Variants in ATP8A2 observed in about 807,000 individuals in gnomAD.
The protein encoded by ATP8A2 is ATPase phospholipid transporting 8A2.
In ATP8A2, 100 loss-of-function variants were observed where a neutral mutation model predicts 165.6. The observed-to-expected ratio is 0.60, with a 90% CI of 0.51 to 0.71. ATP8A2 has a LOEUF of 0.71. Among genes scored for constraint, ATP8A2 ranks in the 30% least tolerant of loss-of-function variants. The pLI is 0.00. For synonymous variants in ATP8A2, 543 were observed against 548.8 expected (o/e 0.99, Z 0.15); for missense variants, 1,227 against 1,479.5 (o/e 0.83, Z 2.80).
At chr13:25,588,420 A>G (rs2138284663) in intron 23 of ATP8A2, among the ~76,000 whole-genome samples, 1 of 152,324 alleles carries the variant, frequency 6.6e-6, no homozygotes, top group East Asian at 1.9e-4. Context: ...AGGTCTGAGC[A>G]CATAAATGCA....
At chr13:25,377,479 G>T (rs1375626695) in intron 1 of ATP8A2, among the ~76,000 whole-genome samples, 1 of 152,182 alleles carries the variant, frequency 6.6e-6, no homozygotes, top group Admixed American at 6.5e-5. Context: ...GTGGCTGCCT[G>T]GGTCTGCCTG....
At chr13:25,466,006 C>T (rs2137505540) in intron 1 of ATP8A2, among the ~76,000 whole-genome samples, 1 of 151,980 alleles carries the variant, frequency 6.6e-6, no homozygotes, top group South Asian at 2.1e-4. Flanking sequence ...CATCTTGCTT[C>T]TAGATTGTAG....
intron 9 of ATP8A2, among the ~76,000 whole-genome samples, chr13:25,542,887 TC>T (rs1435361726): frequency 6.6e-6 from 1 of 152,058 alleles, no homozygotes; most frequent in Admixed American, 6.6e-5. Flanking sequence ...TTTTACTCCT[TC>T]CTAATAGTCT....
At chr13:25,976,215 C>T (rs1003473239) in intron 35 of ATP8A2, among the ~76,000 whole-genome samples, 1 of 152,124 alleles carries the variant, frequency 6.6e-6, no homozygotes, top group Non-Finnish European at 1.5e-5. Context: ...AGGGATGTGC[C>T]GCCATGCTGA....
intron 33 of ATP8A2, among the ~76,000 whole-genome samples, chr13:25,905,864 G>C (rs1953922278): frequency 6.6e-6 from 1 of 152,182 alleles, no homozygotes. Flanking sequence ...ATAAATGAGA[G>C]AACTTGCCAG....
intron 24 of ATP8A2, among the ~76,000 whole-genome samples, chr13:25,656,536 G>A (rs2137662161): frequency 6.6e-6 from 1 of 152,092 alleles, no homozygotes; most frequent in South Asian, 2.1e-4. Flanking sequence ...GCCTCCGAAA[G>A]TGCTGGGATT....
intron 35 of ATP8A2, among the ~76,000 whole-genome samples, chr13:25,975,411 A>T (rs9553690): frequency 0.14 from 20,212 of 144,304 alleles, 2,160 homozygotes; most frequent in East Asian, 0.55. Flanking sequence ...TCCCGTCTCT[A>T]CTAAAAATAC....
intron 24 of ATP8A2, among the ~76,000 whole-genome samples, chr13:25,687,071 A>G (rs1353954540): frequency 1.3e-5 from 2 of 152,122 alleles, no homozygotes; most frequent in African/African-American, 4.8e-5. Flanking sequence ...GGCCCTTGTC[A>G]CGGCCCCAAA....
chr13:25,965,047 T>C (rs1358356632), intron 34 of ATP8A2, among the ~76,000 whole-genome samples: 1 of 152,152 alleles, frequency 6.6e-6, no homozygotes, highest in Non-Finnish European at 1.5e-5. Context: ...TAATCCCAGC[T>C]ACTCAGGAGG....
intron 1 of ATP8A2, among the ~76,000 whole-genome samples, chr13:25,434,683 A>G (rs1019436626): frequency 2.0e-5 from 3 of 152,076 alleles, no homozygotes; most frequent in African/African-American, 7.2e-5. Context: ...CTGCCCCATC[A>G]CAGAATTAAA....
At chr13:25,499,445 T>C (rs1011250785) in intron 2 of ATP8A2, among the ~76,000 whole-genome samples, 17 of 152,168 alleles carry the variant, frequency 1.1e-4, no homozygotes, top group Non-Finnish European at 2.1e-4. Flanking sequence ...TTGTCATGTT[T>C]GGGGGGTTGA....
intron 2 of ATP8A2, among the ~76,000 whole-genome samples, chr13:25,524,919 C>A (rs866666912): frequency 6.8e-6 from 1 of 147,910 alleles, no homozygotes. Context: ...TCCTTCCTTC[C>A]TTCCTTCCTT....
At chr13:25,801,793 G>C (rs1950627471) in intron 27 of ATP8A2, among the ~76,000 whole-genome samples, 1 of 152,144 alleles carries the variant, frequency 6.6e-6, no homozygotes, top group Non-Finnish European at 1.5e-5. Flanking sequence ...AGGTTTAATT[G>C]ACTCATAGTT....
At chr13:25,689,475 A>G (rs535112711) in intron 24 of ATP8A2, among the ~76,000 whole-genome samples, 1 of 152,282 alleles carries the variant, frequency 6.6e-6, no homozygotes, top group Non-Finnish European at 1.5e-5. Flanking sequence ...TTCATTTTTC[A>G]TTTGTAAATG....
At chr13:25,762,622 A>G (rs1211989975) in intron 25 of ATP8A2, among the ~76,000 whole-genome samples, 1 of 152,160 alleles carries the variant, frequency 6.6e-6, no homozygotes, top group Non-Finnish European at 1.5e-5. Context: ...ACGCTTAATT[A>G]TGGGTGGAGA....
intron 6 of ATP8A2, among the ~76,000 whole-genome samples, chr13:25,536,475 C>G (rs1400375254): frequency 1.3e-5 from 2 of 152,150 alleles, no homozygotes; most frequent in African/African-American, 2.4e-5. Context: ...TGCTTTTGTA[C>G]TGGTGGTTGT....
chr13:25,584,343 T>A (rs889749640), intron 23 of ATP8A2, among the ~76,000 whole-genome samples: 1 of 152,202 alleles, frequency 6.6e-6, no homozygotes, highest in African/African-American at 2.4e-5. Flanking sequence ...CTAAGCCTGT[T>A]TTCTAGTCAT....
intron 18 of ATP8A2, among the ~76,000 whole-genome samples, 192 bp from the exon 19 acceptor site, chr13:25,574,616 C>T (rs1177491601): frequency 2.0e-5 from 3 of 152,148 alleles, no homozygotes. Flanking sequence ...ACTGAAGAAA[C>T]GTGAGAAGCT....
At chr13:25,535,018 T>A (rs2038231704) in intron 6 of ATP8A2, among the ~76,000 whole-genome samples, 1 of 152,218 alleles carries the variant, frequency 6.6e-6, no homozygotes, top group African/African-American at 2.4e-5. Flanking sequence ...TGCTGAGCTC[T>A]GTGTAGGAGA....
Sources: gnomAD v4.1 joint callset for allele counts (sites outside exome capture counted in the v4.1 genomes callset) on GRCh38, gnomAD v4.1.1 for gene constraint, MANE v1.5 for transcripts, NCBI Gene and HGNC (gene_info 2026-07-23, HGNC 2026-07-21) for gene names.